ACYP2: variants seen among roughly 807,000 people sequenced by gnomAD.
ACYP2 encodes the protein acylphosphatase 2.
In ACYP2, 12 loss-of-function variants were observed where a neutral mutation model predicts 11.2. The observed-to-expected ratio is 1.08, with a 90% CI of 0.69 to 1.74. The LOEUF is 1.74. Ranked by LOEUF, ACYP2 falls within the 40% of genes most tolerant of loss-of-function variation. The probability of loss-of-function intolerance (pLI) is 0.00; values close to 1 mark genes in which losing one functional copy is unlikely to be tolerated. For synonymous variants in ACYP2, 43 were observed against 32.2 expected, an observed-to-expected ratio of 1.33 and a Z score of -1.13; for missense variants, 134 against 101.9, an observed-to-expected ratio of 1.31 and a Z score of -1.35.
chr2:54,166,028 C>G (rs1004557911), intron 6 of ACYP2, among the ~76,000 whole-genome samples: 1 of 152,156 alleles, frequency 6.6e-6, no homozygotes, highest in Non-Finnish European at 1.5e-5. Context: ...GTTTTACATT[C>G]AGTTTAAACA....
chr2:54,087,971 G>A (rs1318952426), intron 4 of ACYP2, among the ~76,000 whole-genome samples: 1 of 152,212 alleles, frequency 6.6e-6, no homozygotes, highest in African/African-American at 2.4e-5. Context: ...ACTTTTTGGA[G>A]GAGGAGTTCT....
intron 2 of ACYP2, among the ~76,000 whole-genome samples, chr2:54,045,829 G>T (rs1002326617): frequency 6.6e-6 from 1 of 151,056 alleles, no homozygotes; most frequent in African/African-American, 2.4e-5. Flanking sequence ...AAAAAAAATT[G>T]TGGAACACTT....
intron 6 of ACYP2, among the ~76,000 whole-genome samples, chr2:54,202,965 C>T (rs1684919375): frequency 6.6e-6 from 1 of 151,832 alleles, no homozygotes; most frequent in African/African-American, 2.4e-5. Flanking sequence ...CTTGCAAATC[C>T]ATATGAATTT....
chr2:54,147,456 T>C (rs1681947865), intron 6 of ACYP2, among the ~76,000 whole-genome samples: 1 of 152,170 alleles, frequency 6.6e-6, no homozygotes, highest in South Asian at 2.1e-4. Flanking sequence ...CTTCTCATTA[T>C]TTCTGTAGGC....
intron 6 of ACYP2, among the ~76,000 whole-genome samples, chr2:54,174,025 G>T (rs1393154090): frequency 6.6e-6 from 1 of 152,056 alleles, no homozygotes; most frequent in African/African-American, 2.4e-5. Context: ...ACTCTTTTTT[G>T]GTTCCATATG....
chr2:54,255,917 G>A (rs770851215), intron 6 of ACYP2: 8 of 1,614,024 alleles, frequency 5.0e-6, no homozygotes, highest in Non-Finnish European at 4.2e-6. Context: ...CCATGACTGC[G>A]ACCCGCATCG....
intron 5 of ACYP2, among the ~76,000 whole-genome samples, chr2:54,135,980 C>T (rs1681206301): frequency 6.6e-6 from 1 of 152,232 alleles, no homozygotes; most frequent in South Asian, 2.1e-4. Flanking sequence ...TCACTGCAGC[C>T]TCCGCCTTCC....
intron 6 of ACYP2, among the ~76,000 whole-genome samples, chr2:54,278,268 G>A (rs1189581429): frequency 6.6e-6 from 1 of 152,182 alleles, no homozygotes; most frequent in Admixed American, 6.5e-5. Context: ...GTCAGCCACC[G>A]CACCTAGCCC....
At chr2:54,155,337 AT>A (rs1682381265) in intron 6 of ACYP2, among the ~76,000 whole-genome samples, 1 of 151,588 alleles carries the variant, frequency 6.6e-6, no homozygotes. Flanking sequence ...CTTCTGCTAC[AT>A]TTAGGCTTTT....
chr2:54,138,571 A>G, intron 5 of ACYP2, 68 bp from the exon 3 acceptor site: 1 of 1,255,512 alleles, frequency 8.0e-7, no homozygotes, highest in Non-Finnish European at 1.1e-6. Context: ...TGGATATTAG[A>G]ATCAAGTATG....
At chr2:54,299,621 A>G (rs940631025) in intron 6 of ACYP2, among the ~76,000 whole-genome samples, 1 of 151,964 alleles carries the variant, frequency 6.6e-6, no homozygotes, top group South Asian at 2.1e-4. Context: ...AAAGAAAAAA[A>G]AGAAAACCTA....
intron 6 of ACYP2, among the ~76,000 whole-genome samples, chr2:54,252,016 G>A (rs1687247545): frequency 6.6e-6 from 1 of 152,174 alleles, no homozygotes; most frequent in South Asian, 2.1e-4. Context: ...AAGGTCCTTT[G>A]TCTCTGACCT....
intron 4 of ACYP2, chr2:54,115,287 T>C (rs1290543294): frequency 4.4e-6 from 2 of 450,564 alleles, no homozygotes; most frequent in Non-Finnish European, 7.8e-6. Flanking sequence ...ACACCACAAA[T>C]ATACCCAACT....
chr2:54,033,198 A>AT (rs11284749), intron 2 of ACYP2, among the ~76,000 whole-genome samples: 1,606 of 141,488 alleles, frequency 0.011, 30 homozygotes, highest in African/African-American at 0.034. Context: ...CCTGTGGGCA[A>AT]TTTTTTTTTT....
At chr2:54,274,233 C>A (rs1688444931) in intron 6 of ACYP2, among the ~76,000 whole-genome samples, 1 of 152,118 alleles carries the variant, frequency 6.6e-6, no homozygotes, top group Non-Finnish European at 1.5e-5. Flanking sequence ...CTTATAATAA[C>A]CATCAGATCT....
intron 5 of ACYP2, among the ~76,000 whole-genome samples, chr2:54,136,742 G>A (rs540749321): frequency 1.6e-3 from 247 of 152,268 alleles, no homozygotes; most frequent in Non-Finnish European, 2.7e-3. Flanking sequence ...TTGGGAGGCT[G>A]AGGCAGGTGG....
intron 2 of ACYP2, among the ~76,000 whole-genome samples, chr2:54,034,838 G>A (rs1299499783): frequency 2.0e-5 from 3 of 151,626 alleles, no homozygotes; most frequent in African/African-American, 4.8e-5. Context: ...GTAAAACCCC[G>A]TCTCTACTAA....
chr2:54,030,879 A>G (rs1188185234), intron 2 of ACYP2, among the ~76,000 whole-genome samples: 3 of 152,154 alleles, frequency 2.0e-5, no homozygotes, highest in Non-Finnish European at 2.9e-5. Context: ...AGTTCACCCA[A>G]ATTAGTCACT....
In ACYP2 at chr2:54,149,827, T is replaced by C. The variant is rs1443518856; in HGVS notation, c.404+11079T>C. Reference sequence around the variant, plus strand: ...AATGGTTACATGGCCTGGAAAACTATGTCATAATACAAGGAATGCTTGAAG... The same window carrying C: ...AATGGTTACATGGCCTGGAAAACTACGTCATAATACAAGGAATGCTTGAAG... On this transcript the variant is annotated intron_variant, in intron 6 of 6. Coordinates refer to ENST00000607452, the MANE Select transcript of ACYP2 (RefSeq NM_001320586.2). 2.6e-5 allele frequency among the ~76,000 whole-genome samples: 4 copies of C among 152,212 alleles called. No individual in the cohort carries two copies. The East Asian group carries it at 5.8e-4, about 22-fold the overall frequency.
Sources: gnomAD v4.1 joint callset for allele counts (sites outside exome capture counted in the v4.1 genomes callset) on GRCh38, gnomAD v4.1.1 for gene constraint, MANE v1.5 for transcripts, NCBI Gene and HGNC (gene_info 2026-07-23, HGNC 2026-07-21) for gene names.